The following TSC22D1 variants were observed in gnomAD, a reference collection of about 807,000 sequenced individuals.
The protein encoded by TSC22D1 is TSC22 domain family member 1, also known as TSC22 domain family protein 1.
In TSC22D1, 9 loss-of-function variants were observed where a neutral mutation model predicts 74.2. The observed-to-expected ratio is 0.12, with a 90% CI of 0.07 to 0.21. TSC22D1 has a LOEUF of 0.21. Ranked by LOEUF, TSC22D1 falls within the 10% of genes least tolerant of loss-of-function variation. The pLI is 1.00. For synonymous variants in TSC22D1, 586 were observed against 492.5 expected (o/e 1.19, Z -2.51); for missense variants, 1,427 against 1,304.7 (o/e 1.09, Z -1.44).
intron 1 of TSC22D1, among the ~76,000 whole-genome samples, chr13:44,448,968 G>C (rs535676825): frequency 1.8e-4 from 27 of 152,184 alleles, no homozygotes; most frequent in African/African-American, 6.3e-4. Flanking sequence ...ATGCCCTTCT[G>C]CTGATCTCAA....
rs192029563 is a variant in TSC22D1 at position 44,465,400 on chromosome 13, A to G, written c.2913-29305T>C. On this transcript the variant is annotated intron_variant, in intron 1 of 2. Transcript: ENST00000458659. ...GTGGGGGGACACGAGCATGACAATG[A>G]TGAGACTAATTCAGTGGTTCTCAAC... Among the ~76,000 whole-genome samples the G allele has an allele frequency of 5.3e-5, 8 of 152,336 alleles. No individual in the cohort carries two copies. The East Asian group carries it at 1.2e-3, about 22-fold the overall frequency.
intron 1 of TSC22D1, among the ~76,000 whole-genome samples, chr13:44,454,789 T>C (rs181506021): frequency 5.3e-5 from 8 of 152,340 alleles, no homozygotes; most frequent in African/African-American, 1.9e-4. Context: ...AAAGGAGTTA[T>C]GTGACTTGAT....
chr13:44,518,281 G>A (rs1473210155), intron 1 of TSC22D1, among the ~76,000 whole-genome samples: 1 of 151,974 alleles, frequency 6.6e-6, no homozygotes, highest in African/African-American at 2.4e-5. Context: ...GTAAACAAAC[G>A]ACAGTCACAA....
chr13:44,537,653 A>G (rs1881233289), intron 1 of TSC22D1: 1 of 984,594 alleles, frequency 1.0e-6, no homozygotes, highest in Non-Finnish European at 1.2e-6. Flanking sequence ...CATTTACTAA[A>G]AACAAGTCGG....
At chr13:44,453,180 AAT>A (rs1370556786) in intron 1 of TSC22D1, among the ~76,000 whole-genome samples, 1 of 152,206 alleles carries the variant, frequency 6.6e-6, no homozygotes, top group African/African-American at 2.4e-5. Flanking sequence ...TTCTCCTTTG[AAT>A]ATGTTTCTGT....
At chr13:44,501,406 G>A (rs1399381257) in intron 1 of TSC22D1, among the ~76,000 whole-genome samples, 2 of 152,154 alleles carry the variant, frequency 1.3e-5, no homozygotes, top group Non-Finnish European at 2.9e-5. Context: ...TGGAGTGCAA[G>A]GTGGGGAACA....
chr13:44,492,837 C>G (rs1048480574), intron 1 of TSC22D1, among the ~76,000 whole-genome samples: 1 of 151,870 alleles, frequency 6.6e-6, no homozygotes, highest in African/African-American at 2.4e-5. Flanking sequence ...AATCCCATAA[C>G]AAATGACAAA....
Position 44,444,464 on chromosome 13 carries a change from A to G in TSC22D1, c.2913-8369T>C, listed in dbSNP as rs551327677. The stretch of plus-strand genomic sequence containing the variant: ...AATAGACTTTAAATATAAAAACACA[A>G]ATAGGTACAATAAGAATATGGAAGA... On this transcript the variant is annotated intron_variant, in intron 1 of 2. Coordinates refer to ENST00000458659, the MANE Select transcript of TSC22D1 (RefSeq NM_183422.4). 2.0e-5 allele frequency among the ~76,000 whole-genome samples: 3 copies of G among 152,104 alleles called. No homozygotes were observed. The East Asian group carries it at 5.8e-4, about 29-fold the overall frequency.
At chr13:44,516,220 G>T in intron 1 of TSC22D1, 1 of 286,538 alleles carries the variant, frequency 3.5e-6, no homozygotes, top group Non-Finnish European at 6.7e-6. Flanking sequence ...AAGTTCTCTT[G>T]TTGAACATCA....
rs1884111749 is a variant in TSC22D1, at chr13:44,575,089, G to T, written c.986C>A (p.Thr329Lys). ...TAVGSFNPNVTSSMLGNVNIS... is the reference protein window; with the variant it reads ...TAVGSFNPNVKSSMLGNVNIS... ...ATTAACATTACCAAGCATGCTGCTT[G>T]TCACATTAGGATTAAAACTACCCAC... The change falls in exon 1 of 3, where the codon ACA (threonine) becomes AAA (lysine). Residue 329 changes from threonine (T) to lysine (K), a missense_variant. By Grantham distance (78) the Thr-to-Lys change is moderately conservative. Transcript: ENST00000458659. 6.2e-7 allele frequency: 1 copy of T among 1,614,030 alleles called. No individual in the cohort carries two copies. Among genetic ancestry groups the T allele is most frequent in the African/African-American group, 1.3e-5 (1 of 74,914 alleles).
At position 44,433,961 on chromosome 13, in the gene TSC22D1, T is replaced by A; in HGVS notation, c.*665A>T. 1 of 1,530,572 alleles carries A rather than the reference T, an allele frequency of 6.5e-7. No individual in the cohort carries two copies. Among genetic ancestry groups the A allele is most frequent in the Non-Finnish European group, 8.7e-7 (1 of 1,145,108 alleles). The allele number at this position is 1,530,572 out of a possible 1,614,324, so 94.8% of individuals were successfully genotyped here. A position where few individuals can be genotyped will look rare whatever the true frequency, so the allele number is the denominator to read the frequency against. On this transcript the variant is annotated 3_prime_UTR_variant, in exon 3 of 3. Transcript: ENST00000458659. ...ACAGTCCTCTATTGTACAAAATAGTTACACTACATACACAAATATACAATA... is the reference window on the plus strand; with the variant it reads ...ACAGTCCTCTATTGTACAAAATAGTAACACTACATACACAAATATACAATA...
At chr13:44,570,147 A>G (rs1180048689) in intron 1 of TSC22D1, among the ~76,000 whole-genome samples, 1 of 151,960 alleles carries the variant, frequency 6.6e-6, no homozygotes, top group African/African-American at 2.4e-5. Flanking sequence ...ATTCTTGTAA[A>G]GGTGAATTCA....
chr13:44,575,252 C>T lies in TSC22D1; in HGVS notation c.823G>A (p.Ala275Thr), dbSNP rs1237593503. The T allele has an allele frequency of 1.2e-6, 2 of 1,614,090 alleles. No individual in the cohort carries two copies. Among genetic ancestry groups the T allele is most frequent in the Non-Finnish European group, 1.7e-6 (2 of 1,180,028 alleles). Residue 275 changes from alanine (A) to threonine (T), a missense_variant, in exon 1 of 3, where the codon GCA (alanine) becomes ACA (threonine). By Grantham distance (58) the Ala-to-Thr change is moderately conservative (BLOSUM62 0). Around this residue, in one of 3 missense-constraint regions of TSC22D1, gnomAD observed 1,343 missense variants for 1,191.5 expected, o/e 1.13. Transcript: ENST00000458659. ...CTGGATGATACAGCAGAAGTTGGTG[C>T]AACTGGTGTGATACTGTCAGAGCTT... ...TGSSDSITPV[A>T]PTSAVSSSGS...
chr13:44,478,721 T>C (rs1165129418), intron 1 of TSC22D1, among the ~76,000 whole-genome samples: 1 of 152,140 alleles, frequency 6.6e-6, no homozygotes, highest in East Asian at 1.9e-4. Context: ...TTTACCACAC[T>C]CTACCACGGT....
chr13:44,533,099 A>G (rs1370282511), intron 1 of TSC22D1, among the ~76,000 whole-genome samples: 1 of 152,114 alleles, frequency 6.6e-6, no homozygotes, highest in African/African-American at 2.4e-5. Flanking sequence ...GTGCTAAACT[A>G]GAGAATTCTA....
chr13:44,553,431 T>C (rs1301539700), intron 1 of TSC22D1, among the ~76,000 whole-genome samples: 1 of 152,188 alleles, frequency 6.6e-6, no homozygotes, highest in Non-Finnish European at 1.5e-5. Context: ...CAATGAATGT[T>C]TGAAACTTAA....
chr13:44,475,015 T>C (rs1317619172), intron 1 of TSC22D1, among the ~76,000 whole-genome samples: 1 of 152,142 alleles, frequency 6.6e-6, no homozygotes, highest in Non-Finnish European at 1.5e-5. Context: ...AAAAGAAATC[T>C]ACAATTCTTT....
chr13:44,439,934 C>T (rs1446175816), intron 1 of TSC22D1, among the ~76,000 whole-genome samples: 2 of 152,148 alleles, frequency 1.3e-5, no homozygotes, highest in Non-Finnish European at 2.9e-5. Context: ...CCTCTTTCTC[C>T]CCCTATCCAA....
At chr13:44,548,929 G>A (rs1882011024) in intron 1 of TSC22D1, among the ~76,000 whole-genome samples, 1 of 151,876 alleles carries the variant, frequency 6.6e-6, no homozygotes, top group African/African-American at 2.4e-5. Context: ...CTAACATAAT[G>A]TAAACATTAT....
Sources: gnomAD v4.1 joint callset for allele counts (sites outside exome capture counted in the v4.1 genomes callset) on GRCh38, gnomAD v4.1.1 for gene constraint, gnomAD v4.1.1 regional missense constraint, MANE v1.5 for transcripts, NCBI Gene and HGNC (gene_info 2026-07-23, HGNC 2026-07-21) for gene names.